PLAC8L1: variants seen among roughly 807,000 people sequenced by gnomAD.
PLAC8L1 encodes the protein PLAC8 like 1, also known as PLAC8-like protein 1.
Under a neutral mutation model 16.3 loss-of-function variants are expected in PLAC8L1, and 13 were observed. That is an observed-to-expected ratio of 0.80 (90% CI 0.52 to 1.27). PLAC8L1 has a LOEUF of 1.27. PLAC8L1 is among the 50% of genes most tolerant of loss of function. The probability of loss-of-function intolerance (pLI) is 0.00; values close to 1 mark genes in which losing one functional copy is unlikely to be tolerated. For missense variants in PLAC8L1, 184 were observed against 220.2 expected (o/e 0.84, Z 1.04); for synonymous variants, 78 against 79.3 (o/e 0.98, Z 0.09).
intron 2 of PLAC8L1, among the ~76,000 whole-genome samples, chr5:146,089,168 T>A (rs944249410): frequency 9.9e-5 from 15 of 151,974 alleles, no homozygotes; most frequent in Admixed American, 8.5e-4. Context: ...ATATGCTTTT[T>A]AAAAAAAACA....
chr5:146,089,914 T>A (rs768186976), intron 2 of PLAC8L1, among the ~76,000 whole-genome samples: 29 of 151,952 alleles, frequency 1.9e-4, no homozygotes, highest in Non-Finnish European at 3.8e-4. Context: ...AATTTTTGTA[T>A]TTTTAGTATA....
intron 2 of PLAC8L1, among the ~76,000 whole-genome samples, chr5:146,089,284 T>C (rs1763570371): frequency 1.3e-5 from 2 of 152,184 alleles, no homozygotes; most frequent in African/African-American, 4.8e-5. Context: ...TCAAATTCAA[T>C]TACTGTACTT....
chr5:146,101,894 A>T (rs1198297475), intron 1 of PLAC8L1, among the ~76,000 whole-genome samples: 1 of 152,248 alleles, frequency 6.6e-6, no homozygotes, highest in African/African-American at 2.4e-5. Flanking sequence ...GCCTAAGAAT[A>T]GAATGTCTGC....
intron 1 of PLAC8L1, 39 bp downstream of exon 1, chr5:146,104,154 A>C (rs780719947): frequency 8.1e-6 from 13 of 1,605,752 alleles, no homozygotes; most frequent in Non-Finnish European, 1.1e-5. Context: ...GTCCAACTAA[A>C]GAGCAAAAGC....
At chr5:146,101,196 CAAAA>C (rs35143616) in intron 1 of PLAC8L1, among the ~76,000 whole-genome samples, 24,709 of 81,446 alleles carry the variant, frequency 0.3, 2,685 homozygotes, top group Admixed American at 0.42. Flanking sequence ...GACCCTGTCT[CAAAA>C]AAAAAAAAAA....
chr5:146,085,722 G>A, intron 2 of PLAC8L1, 125 bp from the exon 3 acceptor site: 1 of 1,058,096 alleles, frequency 9.5e-7, no homozygotes. Flanking sequence ...CTATCAGACT[G>A]AGAATAAATA....
Position 146,104,458 on chromosome 5 carries a change from C to T in PLAC8L1, c.-147G>A, listed in dbSNP as rs1256001258. 1.0e-5 allele frequency: 7 copies of T among 672,678 alleles called. No homozygotes were observed. Among genetic ancestry groups the T allele is most frequent in the Non-Finnish European group, 1.9e-5 (7 of 377,554 alleles). The allele number at this position is 672,678 out of a possible 1,614,324, so 41.7% of individuals were successfully genotyped here. A position where few individuals can be genotyped will look rare whatever the true frequency, so the allele number is the denominator to read the frequency against. ...GGAACCTGAGGTCATAGCAGTGTAA[C>T]TAACAGACATCTTTTTTCTTTAAAA... On this transcript the variant is annotated 5_prime_UTR_variant, in exon 1 of 4. An upstream open reading frame in the 5' UTR loses its in-frame stop. Transcript: ENST00000311450.
At position 146,092,921 on chromosome 5, in the gene PLAC8L1, C is replaced by G. The variant is rs533985601; in HGVS notation, c.256+5235G>C. Among the ~76,000 whole-genome samples the G allele has an allele frequency of 7.2e-5, 11 of 151,894 alleles. No individual in the cohort carries two copies. In the South Asian group the frequency reaches 2.3e-3, roughly 32 times the overall value. Reference sequence around the variant, plus strand: ...TATGTTTTTTTTTCCTTTTATACTTCTTTCAGAAGAATGTGATGTGAGATA... The same window carrying G: ...TATGTTTTTTTTTCCTTTTATACTTGTTTCAGAAGAATGTGATGTGAGATA... On this transcript the variant is annotated intron_variant, in intron 2 of 3. Coordinates refer to ENST00000311450, the MANE Select transcript of PLAC8L1 (RefSeq NM_001029869.3).
At chr5:146,093,024 C>T (rs1484185451) in intron 2 of PLAC8L1, among the ~76,000 whole-genome samples, 1 of 152,032 alleles carries the variant, frequency 6.6e-6, no homozygotes, top group African/African-American at 2.4e-5. Context: ...ATTATACACA[C>T]ACACACACAT....
intron 2 of PLAC8L1, among the ~76,000 whole-genome samples, chr5:146,096,933 T>C (rs558837099): frequency 2.7e-4 from 41 of 152,200 alleles, no homozygotes; most frequent in Non-Finnish European, 5.6e-4. Context: ...CGGGGAAGAC[T>C]CTCAGCTGAA....
intron 2 of PLAC8L1, among the ~76,000 whole-genome samples, chr5:146,096,256 A>T (rs1454288703): frequency 6.6e-6 from 1 of 152,058 alleles, no homozygotes; most frequent in Non-Finnish European, 1.5e-5. Flanking sequence ...CTGTGTCCAA[A>T]TCTCTCTCTT....
chr5:146,094,186 G>T (rs904148189), intron 2 of PLAC8L1, among the ~76,000 whole-genome samples: 3 of 152,136 alleles, frequency 2.0e-5, no homozygotes, highest in African/African-American at 7.2e-5. Flanking sequence ...GGGTTCAAGA[G>T]ATTCTCCTGC....
chr5:146,089,559 C>T (rs1413990045), intron 2 of PLAC8L1, among the ~76,000 whole-genome samples: 1 of 152,030 alleles, frequency 6.6e-6, no homozygotes, highest in Non-Finnish European at 1.5e-5. Flanking sequence ...AGAGATTGAA[C>T]TCAGGTAGTC....
chr5:146,090,942 T>C (rs1304117106), intron 2 of PLAC8L1, among the ~76,000 whole-genome samples: 1 of 151,938 alleles, frequency 6.6e-6, no homozygotes, highest in Non-Finnish European at 1.5e-5. Context: ...TAATCCCAGC[T>C]ACTCGGGAGG....
Position 146,105,156 on chromosome 5 carries a change from C to T in PLAC8L1, c.-845G>A, listed in dbSNP as rs1487769545. Among the ~76,000 whole-genome samples, 3 of 152,162 alleles carry T rather than the reference C, an allele frequency of 2.0e-5. No individual in the cohort carries two copies. The highest frequency in any genetic ancestry group is 7.2e-5 in the African/African-American group (3 of 41,426). On this transcript the variant is annotated 5_prime_UTR_variant, in exon 1 of 4. Transcript: ENST00000311450. ...GCAAAATTTCACGTTGAGGAAAGGG[C>T]TCTGCAATCATAATTTGACATTACA...
chr5:146,095,153 T>C (rs1763689265), intron 2 of PLAC8L1, among the ~76,000 whole-genome samples: 2 of 152,194 alleles, frequency 1.3e-5, no homozygotes, highest in South Asian at 2.1e-4. Flanking sequence ...CTAAGACAAT[T>C]AATTTAAAAC....
intron 2 of PLAC8L1, among the ~76,000 whole-genome samples, chr5:146,087,486 C>A (rs1763536345): frequency 6.6e-6 from 1 of 152,180 alleles, no homozygotes; most frequent in Non-Finnish European, 1.5e-5. Flanking sequence ...CTCCCATCAG[C>A]AATGCATGAC....
At position 146,086,056 on chromosome 5, in the gene PLAC8L1, G is replaced by GTC. The variant is rs1164747224; in HGVS notation, c.257-461_257-460dup. ...TTTTTTTTTTTTTTTTTGAGACGGAGTCTCGCTCTGTCGCCCAGGCTGGAG... is the reference window on the plus strand; with the variant it reads ...TTTTTTTTTTTTTTTTTGAGACGGAGTCTCTCGCTCTGTCGCCCAGGCTGGAG... On this transcript the variant is annotated intron_variant, in intron 2 of 3. Transcript: ENST00000311450. Among the ~76,000 whole-genome samples, 58 of 94,254 alleles carry GTC rather than the reference G, an allele frequency of 6.2e-4. 1 individual carries two copies. The highest frequency in any genetic ancestry group is 5.4e-4 in the Admixed American group (4 of 7,350). 61.8% of individuals were successfully genotyped at this position (94,254 alleles called of 152,430 possible). A position where few individuals can be genotyped will look rare whatever the true frequency, so the allele number is the denominator to read the frequency against.
chr5:146,095,654 A>G (rs996808635), intron 2 of PLAC8L1, among the ~76,000 whole-genome samples: 3 of 152,138 alleles, frequency 2.0e-5, no homozygotes, highest in African/African-American at 7.2e-5. Flanking sequence ...TTTCCTGGTA[A>G]CTGCACCCCA....
Sources: gnomAD v4.1 joint callset for allele counts (sites outside exome capture counted in the v4.1 genomes callset) on GRCh38, gnomAD v4.1.1 for gene constraint, MANE v1.5 for transcripts, NCBI Gene and HGNC (gene_info 2026-07-23, HGNC 2026-07-21) for gene names.